Variants in IQGAP1 observed in about 807,000 individuals in gnomAD.
IQGAP1 encodes IQ motif containing GTPase activating protein 1.
IQGAP1 carries 66 observed loss-of-function variants against 215.6 expected under a neutral mutation model. The ratio of observed to expected loss-of-function variants is 0.31; its 90% CI spans 0.25 to 0.38. IQGAP1 has a LOEUF of 0.38. Ranked by LOEUF, IQGAP1 falls within the 10% of genes least tolerant of loss-of-function variation. The probability of loss-of-function intolerance (pLI) is 1.00; values close to 1 mark genes in which losing one functional copy is unlikely to be tolerated. For missense variants in IQGAP1, 1,712 were observed against 1,997.1 expected, an observed-to-expected ratio of 0.86 and a Z score of 2.72; for synonymous variants, 772 against 728.7, an observed-to-expected ratio of 1.06 and a Z score of -0.96.
At chr15:90,389,977 G>C (rs1964612419) in intron 1 of IQGAP1, among the ~76,000 whole-genome samples, 1 of 149,288 alleles carries the variant, frequency 6.7e-6, no homozygotes, top group Non-Finnish European at 1.5e-5. Context: ...AAAAAAGTTT[G>C]ATAGGGCATG....
chr15:90,452,715 CCTT>C (rs770485462), intron 11 of IQGAP1, 57 bp from the exon 12 acceptor site: 18 of 1,542,782 alleles, frequency 1.2e-5, no homozygotes, highest in Non-Finnish European at 1.5e-5. Context: ...AAGATTGGCA[CCTT>C]CTTCCCCTGA....
chr15:90,496,190 C>A (rs557603861), intron 36 of IQGAP1, among the ~76,000 whole-genome samples: 37 of 151,786 alleles, frequency 2.4e-4, no homozygotes, highest in African/African-American at 8.7e-4. Flanking sequence ...CTCTCAGTGA[C>A]CTTTTTGCAT....
intron 2 of IQGAP1, among the ~76,000 whole-genome samples, chr15:90,403,084 A>C (rs1288085331): frequency 5.3e-5 from 8 of 152,192 alleles, no homozygotes; most frequent in Non-Finnish European, 7.4e-5. Flanking sequence ...CAGCCTGGGC[A>C]ACATATTAAG....
intron 9 of IQGAP1, among the ~76,000 whole-genome samples, chr15:90,445,273 T>G (rs752893818): frequency 2.6e-5 from 4 of 152,058 alleles, no homozygotes; most frequent in African/African-American, 9.7e-5. Context: ...CGAGATAGTG[T>G]ATGTAAATTG....
At chr15:90,433,669 A>C (rs748290085) in intron 4 of IQGAP1, 50 bp from the exon 5 acceptor site, 16 of 1,087,138 alleles carry the variant, frequency 1.5e-5, no homozygotes, top group Non-Finnish European at 2.2e-5. Context: ...TGAATGTCAG[A>C]TGAACACAGT....
At chr15:90,442,012 A>G (rs897980297) in intron 8 of IQGAP1, among the ~76,000 whole-genome samples, 2 of 152,154 alleles carry the variant, frequency 1.3e-5, no homozygotes, top group African/African-American at 4.8e-5. Flanking sequence ...TTTTGGTGTG[A>G]GGCTCCATTT....
At chr15:90,395,854 C>G (rs2084652303) in intron 2 of IQGAP1, among the ~76,000 whole-genome samples, 1 of 152,200 alleles carries the variant, frequency 6.6e-6, no homozygotes, top group Admixed American at 6.5e-5. Context: ...GAAAATTCAG[C>G]TAGGTTAAAG....
intron 2 of IQGAP1, among the ~76,000 whole-genome samples, chr15:90,413,595 T>C (rs1965000349): frequency 6.6e-6 from 1 of 152,176 alleles, no homozygotes; most frequent in Admixed American, 6.5e-5. Context: ...ATTCCAGAGA[T>C]GTATAGAAAG....
At chr15:90,473,493 G>A (rs1965933495) in intron 19 of IQGAP1, 2 of 534,272 alleles carry the variant, frequency 3.7e-6, no homozygotes, top group Admixed American at 3.2e-5. Context: ...TGTAAAAGGT[G>A]TGCAGGGCTG....
At chr15:90,444,263 GTGTGTGTGTGTGTGTGTATA>G (rs1304922484) in intron 9 of IQGAP1, among the ~76,000 whole-genome samples, 3 of 116,212 alleles carry the variant, frequency 2.6e-5, no homozygotes, top group Non-Finnish European at 3.3e-5. Context: ...GTGTGTGTGT[GTGTGTGTGTGTGTGTGTATA>G]TATATATTTT....
At chr15:90,419,135 A>G (rs898181218) in intron 2 of IQGAP1, among the ~76,000 whole-genome samples, 2 of 132,274 alleles carry the variant, frequency 1.5e-5, no homozygotes, top group Admixed American at 8.3e-5. Flanking sequence ...CTCTGTCTCA[A>G]AAAAGAAAAA....
intron 16 of IQGAP1, 54 bp downstream of exon 16, chr15:90,466,145 C>A (rs1965827747): frequency 3.2e-6 from 5 of 1,581,288 alleles, no homozygotes; most frequent in Non-Finnish European, 2.6e-6. Context: ...TGACAAGGTG[C>A]TCCGTACAGC....
intron 3 of IQGAP1, among the ~76,000 whole-genome samples, chr15:90,428,916 G>A (rs1337143457): frequency 2.0e-5 from 3 of 152,130 alleles, no homozygotes; most frequent in East Asian, 1.9e-4. Context: ...CAGTGGTGCC[G>A]TCTTGGCTCT....
intron 15 of IQGAP1, 118 bp downstream of exon 15, chr15:90,456,433 A>G: frequency 1.0e-6 from 1 of 968,928 alleles, no homozygotes; most frequent in Non-Finnish European, 1.5e-6. Context: ...GCACCCTTAG[A>G]TTCAAAGCAC....
At chr15:90,496,114 G>A (rs576895974) in intron 36 of IQGAP1, among the ~76,000 whole-genome samples, 3 of 151,638 alleles carry the variant, frequency 2.0e-5, no homozygotes, top group South Asian at 2.1e-4. Flanking sequence ...GGAATAACCC[G>A]TGAGGCGTTC....
intron 26 of IQGAP1, among the ~76,000 whole-genome samples, chr15:90,481,642 T>TACAGC (rs1402655136): frequency 6.6e-6 from 1 of 152,232 alleles, no homozygotes; most frequent in Non-Finnish European, 1.5e-5. Flanking sequence ...TGAACTGATT[T>TACAGC]ACAGCACAAT....
chr15:90,459,615 A>G (rs1425010354), intron 15 of IQGAP1, among the ~76,000 whole-genome samples: 1 of 152,206 alleles, frequency 6.6e-6, no homozygotes, highest in Non-Finnish European at 1.5e-5. Flanking sequence ...GAGTTAAAGG[A>G]AAAATTGCTT....
In IQGAP1 at chr15:90,477,863, G is replaced by C; in HGVS notation, c.3303G>C (p.Gln1101His). ...PVDIYKSWVN[Q>H]MESQTGEASK... is the part of the protein sequence containing the mutation. The stretch of plus-strand genomic sequence containing the variant: ...ATATTTACAAATCTTGGGTTAATCA[G>C]ATGGAGTCTCAGACAGGAGAGGCAA... Residue 1101 changes from glutamine to histidine, a missense_variant, in exon 26 of 38, where the codon CAG becomes CAC. Gln to His is a conservative substitution (Grantham distance 24). This residue lies in a region of IQGAP1 where 691 missense variants were observed against 923.0 expected (regional missense o/e 0.75). Coordinates refer to ENST00000268182, the MANE Select transcript of IQGAP1 (RefSeq NM_003870.4). The C allele has an allele frequency of 6.2e-7, 1 of 1,612,880 alleles. No homozygotes were observed. The highest frequency in any genetic ancestry group is 1.7e-5 in the Admixed American group (1 of 60,026).
chr15:90,393,015 A>G (rs1241338632), intron 2 of IQGAP1, among the ~76,000 whole-genome samples: 1 of 151,848 alleles, frequency 6.6e-6, no homozygotes, highest in Non-Finnish European at 1.5e-5. Flanking sequence ...AAAGTGCTGG[A>G]ATTACAAACG....
Sources: gnomAD v4.1 joint callset for allele counts (sites outside exome capture counted in the v4.1 genomes callset) on GRCh38, gnomAD v4.1.1 for gene constraint, gnomAD v4.1.1 regional missense constraint, MANE v1.5 for transcripts, NCBI Gene and HGNC (gene_info 2026-07-23, HGNC 2026-07-21) for gene names.